Variants in LAMB4 observed in about 807,000 individuals in gnomAD.
LAMB4 encodes the protein laminin subunit beta-4.
LAMB4 carries 196 observed loss-of-function variants against 199.2 expected under a neutral mutation model. That is an observed-to-expected ratio of 0.98 (90% CI 0.88 to 1.11). The LOEUF (loss-of-function observed/expected upper bound fraction) is 1.11. Ranked by LOEUF, LAMB4 falls within the 50% of genes least tolerant of loss-of-function variation. The probability of loss-of-function intolerance (pLI) is 0.00; values close to 1 mark genes in which losing one functional copy is unlikely to be tolerated. For missense variants in LAMB4, 2,080 were observed against 2,171.2 expected (o/e 0.96, Z 0.83); for synonymous variants, 744 against 770.6 (o/e 0.97, Z 0.57).
At position 108,102,914 on chromosome 7, in the gene LAMB4, A is replaced by C. The variant is rs1157966014; in HGVS notation, c.1180+130T>G. ...GCTCTTAAAGCTGAGGTATTTTTGC[A>C]ATCCTCCACTCTCCAAAATAGGGTA... On this transcript the variant is annotated intron_variant, in intron 10 of 33. Coordinates refer to ENST00000388781, the MANE Select transcript of LAMB4 (RefSeq NM_007356.3). The C allele has an allele frequency of 1.4e-5, 9 of 640,718 alleles. No individual in the cohort carries two copies. In the African/African-American group the frequency reaches 1.4e-4, roughly 10 times the overall value. 39.7% of individuals were successfully genotyped at this position (640,718 alleles called of 1,614,324 possible).
In LAMB4 at chr7:108,104,562, TG is replaced by T. The variant is rs1313456229; in HGVS notation, c.927del (p.Cys309Ter). 3.7e-6 allele frequency: 6 copies of T among 1,614,218 alleles called. No individual in the cohort carries two copies. Among genetic ancestry groups the T allele is most frequent in the East Asian group, 2.2e-5 (1 of 44,884 alleles). The part of the protein sequence containing the change: ...HNTDGPNCER[C>X]KDFFQDAPWR... ...CAAGGAGCATCCTGGAAGAAGTCCT[TG>T]CATCTCTCACAGTTCGGACCATCTG... On this transcript the variant is annotated frameshift_variant, in exon 9 of 34. Transcript: ENST00000388781. LOFTEE classifies it high-confidence loss of function.
At chr7:108,107,440 G>A (rs1054272734) in intron 6 of LAMB4, among the ~76,000 whole-genome samples, 191 bp downstream of exon 6, 1 of 152,172 alleles carries the variant, frequency 6.6e-6, no homozygotes, top group Admixed American at 6.5e-5. Flanking sequence ...GAGCACTCTT[G>A]TGCAGGATTG....
chr7:108,114,231 G>A (rs2038332405), intron 3 of LAMB4, among the ~76,000 whole-genome samples: 1 of 152,080 alleles, frequency 6.6e-6, no homozygotes, highest in African/African-American at 2.4e-5. Flanking sequence ...AGACCAGCTT[G>A]GGCAACATAG....
intron 24 of LAMB4, 52 bp from the exon 25 acceptor site, chr7:108,056,059 G>A (rs200903333): frequency 6.0e-5 from 91 of 1,512,648 alleles, no homozygotes; most frequent in Non-Finnish European, 7.6e-5. Context: ...TTTTGTTGAT[G>A]ACTAACTCAA....
intron 14 of LAMB4, among the ~76,000 whole-genome samples, chr7:108,086,376 C>T (rs2037177161): frequency 6.6e-6 from 1 of 152,150 alleles, no homozygotes; most frequent in South Asian, 2.1e-4. Context: ...AACACATGCA[C>T]CTGAATCCCT....
intron 28 of LAMB4, among the ~76,000 whole-genome samples, chr7:108,046,189 C>T (rs912712786): frequency 1.3e-5 from 2 of 151,546 alleles, no homozygotes; most frequent in African/African-American, 4.9e-5. Context: ...CTGCCTCAGT[C>T]TCCCGAGTAG....
intron 10 of LAMB4, among the ~76,000 whole-genome samples, chr7:108,101,319 G>C (rs762275520): frequency 6.6e-6 from 1 of 152,066 alleles, no homozygotes; most frequent in African/African-American, 2.4e-5. Context: ...ATCTTCCCTG[G>C]ATAAAAAATA....
chr7:108,096,564 C>T (rs748458790), intron 11 of LAMB4, among the ~76,000 whole-genome samples: 18 of 152,100 alleles, frequency 1.2e-4, no homozygotes, highest in Non-Finnish European at 2.5e-4. Context: ...GTGATGATTA[C>T]ACAACTTCCA....
chr7:108,116,451 C>T (rs573202851), intron 2 of LAMB4, among the ~76,000 whole-genome samples: 1 of 152,188 alleles, frequency 6.6e-6, no homozygotes, highest in Non-Finnish European at 1.5e-5. Context: ...CAGCAGGATT[C>T]TCCATCAAAA....
At chr7:108,043,680 C>T in intron 29 of LAMB4, 72 bp downstream of exon 29, 1 of 587,292 alleles carries the variant, frequency 1.7e-6, no homozygotes, top group Non-Finnish European at 2.2e-6. Context: ...CCTGGGTTCA[C>T]GTATGATGTT....
At chr7:108,095,408 A>C in intron 11 of LAMB4, 71 bp from the exon 12 acceptor site, 250 of 1,124,506 alleles carry the variant, frequency 2.2e-4, no homozygotes, top group Non-Finnish European at 3.0e-4. Flanking sequence ...TTAATAGCTC[A>C]CACAAAGCAA....
intron 11 of LAMB4, among the ~76,000 whole-genome samples, chr7:108,096,617 G>A (rs1363549330): frequency 6.6e-6 from 1 of 151,874 alleles, no homozygotes. Flanking sequence ...TGAATTGTAT[G>A]GTATGTAAAT....
At chr7:108,093,679 T>C (rs1215239486) in intron 12 of LAMB4, among the ~76,000 whole-genome samples, 1 of 152,150 alleles carries the variant, frequency 6.6e-6, no homozygotes, top group Non-Finnish European at 1.5e-5. Context: ...ATATTTAGTA[T>C]AAAATGCTAA....
the LAMB4 span, among the ~76,000 whole-genome samples, chr7:108,013,308 G>C: frequency 4.7e-3 from 712 of 152,216 alleles, 10 homozygotes; most frequent in African/African-American, 0.016. Flanking sequence ...GTGCTTTCTG[G>C]GGAGAAATCA....
Position 108,114,980 on chromosome 7 carries a change from T to C in LAMB4, c.192+1024A>G, listed in dbSNP as rs150590620. Among the ~76,000 whole-genome samples, 30 of 152,334 alleles carry C rather than the reference T, an allele frequency of 2.0e-4. No individual in the cohort carries two copies. In the East Asian group the frequency reaches 5.4e-3, roughly 27 times the overall value. On this transcript the variant is annotated intron_variant, in intron 3 of 33. Transcript: ENST00000388781. Reference sequence around the variant, plus strand: ...TAGACAGTATAACTTCCAAGTAGTATTATGTTGGTGTACAATCAATTCAAA... The same window carrying C: ...TAGACAGTATAACTTCCAAGTAGTACTATGTTGGTGTACAATCAATTCAAA...
chr7:108,042,937 C>CTGTGTGTGTGTGTGTG lies in LAMB4; in HGVS notation c.4471+799_4471+814dup, dbSNP rs754739499. On this transcript the variant is annotated intron_variant, in intron 29 of 33. Transcript: ENST00000388781. ...ATTAATCATCTCTCTCTCTCAATCTCTGTGTGTGTGTGTGTGTGTGTGTGT... is the reference window on the plus strand; with the variant it reads ...ATTAATCATCTCTCTCTCTCAATCTCTGTGTGTGTGTGTGTGTGTGTGTGTGTGTGTGTGTGTGTGT... Among the ~76,000 whole-genome samples, 344 of 140,370 alleles carry CTGTGTGTGTGTGTGTG rather than the reference C, an allele frequency of 2.5e-3. 7 individuals carry two copies. Among genetic ancestry groups the CTGTGTGTGTGTGTGTG allele is most frequent in the African/African-American group, 7.8e-3 (285 of 36,374 alleles). The allele number at this position is 140,370 out of a possible 152,430, so 92.1% of individuals were successfully genotyped here. A position where few individuals can be genotyped will look rare whatever the true frequency, so the allele number is the denominator to read the frequency against.
At chr7:108,022,807 TTTTG>T (rs767993011), downstream of LAMB4, among the ~76,000 whole-genome samples, 8 of 152,204 alleles carry the variant, frequency 5.3e-5, no homozygotes, top group South Asian at 2.1e-4. Context: ...TTTAAATCTT[TTTTG>T]TTTGTTTGTT....
intron 17 of LAMB4, among the ~76,000 whole-genome samples, chr7:108,071,203 A>G (rs1344924690): frequency 6.6e-6 from 1 of 151,430 alleles, no homozygotes; most frequent in Non-Finnish European, 1.5e-5. Flanking sequence ...CTGCCCTTTG[A>G]CTCCTTGATA....
the LAMB4 span, among the ~76,000 whole-genome samples, chr7:108,015,430 A>G: frequency 2.0e-5 from 3 of 152,174 alleles, no homozygotes; most frequent in Non-Finnish European, 1.5e-5. Context: ...GTGAGGTGCT[A>G]CCTTTAATTG....
Sources: allele counts gnomAD v4.1 joint callset (sites outside exome capture counted in the v4.1 genomes callset), GRCh38; gene constraint gnomAD v4.1.1; transcripts MANE v1.5; gene names NCBI Gene and HGNC (gene_info 2026-07-23, HGNC 2026-07-21).